Variants in IRAK2 observed in about 807,000 individuals in gnomAD.
IRAK2 encodes the protein interleukin-1 receptor-associated kinase-like 2.
In IRAK2, 57 loss-of-function variants were observed where a neutral mutation model predicts 72.0. The ratio of observed to expected loss-of-function variants is 0.79; its 90% confidence interval spans 0.64 to 0.99. The LOEUF (loss-of-function observed/expected upper bound fraction) is 0.99, where lower values mean the gene tolerates loss of function less well. Among genes scored for constraint, IRAK2 ranks in the 50% least tolerant of loss-of-function variants. The probability of loss-of-function intolerance (pLI) is 0.00; values close to 1 mark genes in which losing one functional copy is unlikely to be tolerated. For synonymous variants in IRAK2, 293 were observed against 312.7 expected, an observed-to-expected ratio of 0.94 and a Z score of 0.67; for missense variants, 790 against 794.4, an observed-to-expected ratio of 0.99 and a Z score of 0.07.
intron 11 of IRAK2, among the ~76,000 whole-genome samples, chr3:10,237,929 CTGTGTGTGTGTGTGTGTGTGTG>C (rs138639711): frequency 1.5e-4 from 21 of 138,330 alleles, no homozygotes; most frequent in African/African-American, 5.1e-4. Context: ...TATGTGTGCT[CTGTGTGTGTGTGTGTGTGTGTG>C]TGTGTGTGTG....
rs1711109 is a variant in IRAK2, at chr3:10,177,826, C to G, written c.95-12C>G. 6.2e-7 allele frequency: 1 copy of G among 1,609,824 alleles called. No homozygotes were observed. Among genetic ancestry groups the G allele is most frequent in the Admixed American group, 1.7e-5 (1 of 59,992 alleles). On this transcript the variant is annotated splice_polypyrimidine_tract_variant and intron_variant, in intron 1 of 12. Transcript: ENST00000256458. Reference sequence around the variant, plus strand: ...CTCTGACTCTAAGCAGAGTTCTCTCCGTCCCTTCCAGCCTCCTACGTGATC... The same window carrying G: ...CTCTGACTCTAAGCAGAGTTCTCTCGGTCCCTTCCAGCCTCCTACGTGATC...
intron 3 of IRAK2, 99 bp downstream of exon 3, chr3:10,200,614 T>C: frequency 2.8e-6 from 3 of 1,069,760 alleles, no homozygotes; most frequent in Non-Finnish European, 3.9e-6. Context: ...AGCAAAAAAT[T>C]GAGGCTGAGC....
In IRAK2 at chr3:10,242,472, C is replaced by T; in HGVS notation, c.*244C>T. On this transcript the variant is annotated 3_prime_UTR_variant, in exon 13 of 13. Coordinates refer to ENST00000256458, the MANE Select transcript of IRAK2 (RefSeq NM_001570.4). ...GGCTTTGTTAGTCAGAGCAGGGGAT[C>T]AGAGGAGACTGAAGCAGAAACCCTG... 3.6e-6 allele frequency: 1 copy of T among 278,242 alleles called. No individual in the cohort carries two copies. Among genetic ancestry groups the T allele is most frequent in the Non-Finnish European group, 6.8e-6 (1 of 147,934 alleles). 17.2% of individuals were successfully genotyped at this position (278,242 alleles called of 1,614,324 possible). A position where few individuals can be genotyped will look rare whatever the true frequency, so the allele number is the denominator to read the frequency against.
intron 11 of IRAK2, among the ~76,000 whole-genome samples, chr3:10,235,325 G>C (rs544134523): frequency 6.7e-5 from 10 of 148,224 alleles, no homozygotes; most frequent in Admixed American, 2.7e-4. Flanking sequence ...TTTTCTTTTT[G>C]AGACAGAGTC....
At position 10,200,433 on chromosome 3, in the gene IRAK2, G is replaced by A; in HGVS notation, c.342G>A (p.Lys114=). ...TCCCTGACTCTGTGAAGCCAGAAAA[G>A]CCTTTGGCAGCTTCTGTAAGAAAGG... ...PAFPDSVKPE[K]PLAASVRKAE... is the part of the protein sequence containing the mutation. The change falls in exon 3 of 13, where the codon AAG becomes AAA. Residue 114 remains lysine (K), a synonymous_variant. Coordinates refer to ENST00000256458, the MANE Select transcript of IRAK2 (RefSeq NM_001570.4). The A allele has an allele frequency of 6.2e-7, 1 of 1,609,066 alleles. No homozygotes were observed. The highest frequency in any genetic ancestry group is 8.5e-7 in the Non-Finnish European group (1 of 1,175,872).
chr3:10,167,695 G>A (rs138852131), intron 1 of IRAK2, among the ~76,000 whole-genome samples: 8 of 152,300 alleles, frequency 5.3e-5, no homozygotes, highest in East Asian at 1.9e-4. Flanking sequence ...GATTACAGGC[G>A]TGAGCCACCG....
intron 6 of IRAK2, among the ~76,000 whole-genome samples, chr3:10,216,032 G>A (rs1697600219): frequency 6.6e-6 from 1 of 152,206 alleles, no homozygotes; most frequent in Non-Finnish European, 1.5e-5. Context: ...TAATAGGATG[G>A]CTTGCGGGAA....
rs370200868 is a variant in IRAK2, at chr3:10,177,612, C to T, written c.95-226C>T. Among the ~76,000 whole-genome samples the T allele has an allele frequency of 2.1e-4, 32 of 152,314 alleles. No homozygotes were observed. In the South Asian group the frequency reaches 2.9e-3, roughly 14 times the overall value. On this transcript the variant is annotated intron_variant, in intron 1 of 12. Coordinates refer to ENST00000256458, the MANE Select transcript of IRAK2 (RefSeq NM_001570.4). ...GCTCAAGGCTTTGACCCTCCTGTCCCGTGGTCTTTCTCCTAAGTCATATGT... is the reference window on the plus strand; with the variant it reads ...GCTCAAGGCTTTGACCCTCCTGTCCTGTGGTCTTTCTCCTAAGTCATATGT...
intron 12 of IRAK2, among the ~76,000 whole-genome samples, chr3:10,240,097 A>T (rs1245575194): frequency 6.8e-6 from 1 of 147,524 alleles, no homozygotes; most frequent in Admixed American, 6.9e-5. Flanking sequence ...CAGTGAGCCG[A>T]GGTCGTGCCA....
At chr3:10,202,107 G>A (rs1209311057) in intron 3 of IRAK2, among the ~76,000 whole-genome samples, 1 of 152,178 alleles carries the variant, frequency 6.6e-6, no homozygotes, top group Non-Finnish European at 1.5e-5. Flanking sequence ...AATCTAGAAA[G>A]TTAATTCTAG....
At chr3:10,228,552 G>T (rs1186065985) in intron 10 of IRAK2, among the ~76,000 whole-genome samples, 1 of 152,152 alleles carries the variant, frequency 6.6e-6, no homozygotes, top group African/African-American at 2.4e-5. Context: ...GGCACTGACA[G>T]GAAGTTGTCT....
chr3:10,167,343 A>G (rs1696709623), intron 1 of IRAK2, among the ~76,000 whole-genome samples: 1 of 152,080 alleles, frequency 6.6e-6, no homozygotes, highest in African/African-American at 2.4e-5. Context: ...CATATAATAT[A>G]TAGTGCTCTG....
At chr3:10,196,667 G>T (rs1025705505) in intron 2 of IRAK2, among the ~76,000 whole-genome samples, 3 of 152,212 alleles carry the variant, frequency 2.0e-5, no homozygotes, top group Non-Finnish European at 2.9e-5. Context: ...TTACGTCAGT[G>T]GTTCTGGGAG....
intron 10 of IRAK2, among the ~76,000 whole-genome samples, 177 bp from the exon 11 acceptor site, chr3:10,234,282 G>T (rs911419940): frequency 1.3e-5 from 2 of 152,130 alleles, no homozygotes; most frequent in African/African-American, 2.4e-5. Context: ...GTAGGAAATC[G>T]AATCCTTCTC....
intron 10 of IRAK2, among the ~76,000 whole-genome samples, chr3:10,232,618 A>G (rs1214792620): frequency 2.6e-5 from 4 of 152,088 alleles, no homozygotes; most frequent in Middle Eastern, 3.2e-3. Context: ...TTTTTTGATT[A>G]TCGTCATAGT....
At chr3:10,222,592 T>C in intron 8 of IRAK2, 44 bp from the exon 9 acceptor site, 11 of 1,540,204 alleles carry the variant, frequency 7.1e-6, no homozygotes, top group African/African-American at 1.4e-5. Flanking sequence ...CTTGTTGTTA[T>C]CCAGCTCAAA....
Position 10,216,984 on chromosome 3 carries a change from A to G in IRAK2, c.839A>G (p.Gln280Arg), listed in dbSNP as rs1003350749. Residue 280 changes from glutamine (Q) to arginine (R), a missense_variant, in exon 7 of 13, where the codon CAG becomes CGG. Physicochemically the swap from Gln to Arg is conservative, Grantham distance 43. Coordinates refer to ENST00000256458, the MANE Select transcript of IRAK2 (RefSeq NM_001570.4). The stretch of plus-strand genomic sequence containing the variant: ...GTGCTGGGCTTCTGTGCTGCAAGAC[A>G]GTTTCACAGCTTCATCTACCCCTAC... ...LPVLGFCAAR[Q>R]FHSFIYPYMA... 3.7e-6 allele frequency: 6 copies of G among 1,614,190 alleles called. No homozygotes were observed. Among genetic ancestry groups the G allele is most frequent in the Non-Finnish European group, 5.1e-6 (6 of 1,180,042 alleles).
At position 10,164,990 on chromosome 3, in the gene IRAK2, G is replaced by T. The variant is rs758309915; in HGVS notation, c.36G>T (p.Val12=). 6.2e-7 allele frequency: 1 copy of T among 1,611,674 alleles called. No individual in the cohort carries two copies. The highest frequency in any genetic ancestry group is 8.5e-7 in the Non-Finnish European group (1 of 1,179,624). Reference sequence around the variant, plus strand: ...ACATCTACCAGCTGCCCTCCTGGGTGCTGGACGACCTGTGCCGCAACATGG... The same window carrying T: ...ACATCTACCAGCTGCCCTCCTGGGTTCTGGACGACCTGTGCCGCAACATGG... The part of the protein sequence containing the change: ...ACYIYQLPSW[V]LDDLCRNMDA... Residue 12 remains valine (V), a synonymous_variant, in exon 1 of 13, where the codon GTG becomes GTT. Transcript: ENST00000256458.
rs1575945490 is a variant in IRAK2, at chr3:10,165,147, G to A, written c.94+99G>A. 5 of 1,046,718 alleles carry A rather than the reference G, an allele frequency of 4.8e-6. No homozygotes were observed. The East Asian group carries it at 8.1e-5, about 17-fold the overall frequency. 64.8% of individuals were successfully genotyped at this position (1,046,718 alleles called of 1,614,324 possible). On this transcript the variant is annotated intron_variant, in intron 1 of 12. Coordinates refer to ENST00000256458, the MANE Select transcript of IRAK2 (RefSeq NM_001570.4). The stretch of plus-strand genomic sequence containing the variant: ...AAGCTCCCTCGGGCACCCGGGTTCA[G>A]CGGGTCCCGATCCGAGGGCGTGCGA...
Sources: gnomAD v4.1 joint callset for allele counts (sites outside exome capture counted in the v4.1 genomes callset) on GRCh38, gnomAD v4.1.1 for gene constraint, MANE v1.5 for transcripts, NCBI Gene and HGNC (gene_info 2026-07-23, HGNC 2026-07-21) for gene names.